The following MPP2 variants were observed in gnomAD, a reference collection of about 807,000 sequenced individuals.
The protein encoded by MPP2 is MAGUK p55 scaffold protein 2.
Under a neutral mutation model 58.5 loss-of-function variants are expected in MPP2, and 42 were observed. The ratio of observed to expected loss-of-function variants is 0.72; its 90% CI spans 0.56 to 0.93. The LOEUF (loss-of-function observed/expected upper bound fraction) is 0.93. Ranked by LOEUF, MPP2 falls within the 40% of genes least tolerant of loss-of-function variation. The pLI, the probability that MPP2 is intolerant of heterozygous loss-of-function variation, is 0.00. For missense variants in MPP2, 632 were observed against 760.4 expected, an observed-to-expected ratio of 0.83 and a Z score of 1.99; for synonymous variants, 300 against 307.8, an observed-to-expected ratio of 0.97 and a Z score of 0.26.
At chr17:43,903,147 G>A (rs555192442) in intron 2 of MPP2, among the ~76,000 whole-genome samples, 14 of 152,000 alleles carry the variant, frequency 9.2e-5, no homozygotes, top group African/African-American at 3.1e-4. Context: ...ATGATAGCAG[G>A]TGCCTGTAAT....
chr17:43,891,561 C>A (rs2047608165), intron 3 of MPP2, among the ~76,000 whole-genome samples: 1 of 151,638 alleles, frequency 6.6e-6, no homozygotes, highest in Non-Finnish European at 1.5e-5. Flanking sequence ...CTAGCCCCAC[C>A]ACGACTCTGA....
At chr17:43,906,703 C>A (rs987309683) in intron 1 of MPP2, among the ~76,000 whole-genome samples, 29 of 152,128 alleles carry the variant, frequency 1.9e-4, no homozygotes, top group African/African-American at 2.4e-5. Flanking sequence ...CCTGCCCCAA[C>A]GGACCCAGCC....
upstream of MPP2, chr17:43,907,876 C>T: frequency 1.2e-5 from 12 of 985,442 alleles, no homozygotes; most frequent in Non-Finnish European, 1.4e-5. Context: ...TTGGCTTAGA[C>T]CGGCGTTCTA....
chr17:43,884,070 A>C (rs1205301788), intron 3 of MPP2: 1 of 702,146 alleles, frequency 1.4e-6, no homozygotes, highest in Non-Finnish European at 2.6e-6. Context: ...TGCAGACAAC[A>C]CAAGCCACTT....
At chr17:43,902,948 G>A (rs192876026) in intron 2 of MPP2, among the ~76,000 whole-genome samples, 568 of 152,268 alleles carry the variant, frequency 3.7e-3, no homozygotes, top group Non-Finnish European at 5.9e-3. Flanking sequence ...TCTACGATGA[G>A]GGCTCACTGC....
chr17:43,898,386 G>C lies in MPP2; in HGVS notation c.32-6C>G. The C allele has an allele frequency of 6.2e-7, 1 of 1,606,860 alleles. No individual in the cohort carries two copies. Among genetic ancestry groups the C allele is most frequent in the Non-Finnish European group, 8.5e-7 (1 of 1,173,502 alleles). The stretch of plus-strand genomic sequence containing the variant: ...GTCCAGGACTTGCTGCATGGCTGGG[G>C]GAAGGTACGGGCAGTGAGATACACA... On this transcript the variant is annotated splice_region_variant and splice_polypyrimidine_tract_variant and intron_variant, in intron 2 of 12. Transcript: ENST00000269095.
chr17:43,900,300 TA>T (rs1861384529), intron 2 of MPP2, among the ~76,000 whole-genome samples: 1 of 152,112 alleles, frequency 6.6e-6, no homozygotes, highest in Non-Finnish European at 1.5e-5. Context: ...CTCCGTTATC[TA>T]GGGGAGGACT....
chr17:43,884,290 G>A, intron 3 of MPP2: 3 of 581,508 alleles, frequency 5.2e-6, no homozygotes, highest in Non-Finnish European at 9.1e-6. Context: ...ATCATATGTT[G>A]TAGTTGGTTG....
At chr17:43,882,788 A>G in intron 5 of MPP2, 115 bp downstream of exon 5, 1 of 1,481,218 alleles carries the variant, frequency 6.8e-7, no homozygotes, top group Non-Finnish European at 9.3e-7. Context: ...TTCCCTGCAC[A>G]AAGCTGGCCC....
chr17:43,907,786 C>T (rs2048351755), upstream of MPP2: 1 of 985,340 alleles, frequency 1.0e-6, no homozygotes, highest in African/African-American at 1.7e-5. Flanking sequence ...CGCTGGTGCC[C>T]CTCGGCTCCC....
chr17:43,879,686 G>A lies in MPP2; in HGVS notation c.1353+96C>T. ...AGTTGAGGGCAAAGGGGGTACATGG[G>A]CGTGTTCAGGTGACAGGTGTCTGGA... On this transcript the variant is annotated intron_variant, in intron 11 of 12. Coordinates refer to ENST00000269095, the MANE Select transcript of MPP2 (RefSeq NM_005374.5). This position sits in a 1 kb window ranked among gnomAD's most constrained non-coding sequence, Gnocchi z 4.1. 2 of 1,378,370 alleles carry A rather than the reference G, an allele frequency of 1.5e-6. No homozygotes were observed. Among genetic ancestry groups the A allele is most frequent in the South Asian group, 2.5e-5 (2 of 79,402 alleles). 85.4% of individuals were successfully genotyped at this position (1,378,370 alleles called of 1,614,324 possible).
At position 43,879,905 on chromosome 17, in the gene MPP2, G is replaced by A. The variant is rs144319921; in HGVS notation, c.1230C>T (p.Asp410=). ...GCTCCAGGTAGCGCCCAGCACGGAC[G>A]TCAGCCTCCATCTCCCCACGGGACA... The part of the protein sequence containing the change: ...SFVSRGEMEA[D]VRAGRYLEHG... Residue 410 remains aspartate, a synonymous_variant, in exon 11 of 13, where the codon GAC becomes GAT. Transcript: ENST00000269095. This position sits in a 1 kb window ranked among gnomAD's most constrained non-coding sequence, Gnocchi z 4.1. The A allele has an allele frequency of 7.4e-5, 119 of 1,614,032 alleles. No homozygotes were observed. The highest frequency in any genetic ancestry group is 5.9e-4 in the African/African-American group (44 of 74,986).
Position 43,880,892 on chromosome 17 carries a change from G to T in MPP2, c.989-40C>A. On this transcript the variant is annotated intron_variant, in intron 9 of 12. Transcript: ENST00000269095. This position sits in a 1 kb window ranked among gnomAD's most constrained non-coding sequence, Gnocchi z 5.2. ...ATGGCGCTGCTCACCAGGCTGCACG[G>T]TGAGGGAGGGGCGGAGCTCTCAGGG... 1 of 1,573,818 alleles carries T rather than the reference G, an allele frequency of 6.4e-7. No homozygotes were observed.
Position 43,881,481 on chromosome 17 carries a change from G to A in MPP2, c.790C>T (p.Gln264Ter). ...ACCTGCCACCAGTTGGCATCATCCT[G>A]GTTTACGATCTGGAGCAAGTCCCCG... is the stretch of plus-strand genomic sequence containing the variant. ...NAGDLLQIVN[Q>*]DDANWWQACH... Residue 264 changes from glutamine (Q) to a stop codon, truncating the protein, a stop_gained, in exon 7 of 13, where the codon CAG becomes TAG. Coordinates refer to ENST00000269095, the MANE Select transcript of MPP2 (RefSeq NM_005374.5). LOFTEE classifies it high-confidence loss of function. 1 of 1,614,182 alleles carries A rather than the reference G, an allele frequency of 6.2e-7. No homozygotes were observed.
At chr17:43,887,648 T>C (rs1253170144) in intron 3 of MPP2, among the ~76,000 whole-genome samples, 1 of 151,932 alleles carries the variant, frequency 6.6e-6, no homozygotes, top group Non-Finnish European at 1.5e-5. Context: ...ATACCATTTA[T>C]TAAAAATTCA....
chr17:43,909,607 G>A, upstream of MPP2: 1 of 1,480,784 alleles, frequency 6.8e-7, no homozygotes, highest in Non-Finnish European at 8.9e-7. Flanking sequence ...TGGGATCTCA[G>A]ATTCTGGCCC....
In MPP2 at chr17:43,877,276, C is replaced by G. The variant is rs911032378; in HGVS notation, c.*531G>C. On this transcript the variant is annotated 3_prime_UTR_variant, in exon 13 of 13. Coordinates refer to ENST00000269095, the MANE Select transcript of MPP2 (RefSeq NM_005374.5). ...CTCCAGCCTTCAAGATGGCACCAGG[C>G]TGGCACCACCACCCGGGCCTGCCTG... is the stretch of plus-strand genomic sequence containing the variant. The G allele has an allele frequency of 6.5e-6, 1 of 153,282 alleles. No homozygotes were observed. Among genetic ancestry groups the G allele is most frequent in the African/African-American group, 2.4e-5 (1 of 41,468 alleles). 9.5% of individuals were successfully genotyped at this position (153,282 alleles called of 1,614,324 possible).
At chr17:43,886,763 A>T (rs1329661832) in intron 3 of MPP2, among the ~76,000 whole-genome samples, 1 of 152,192 alleles carries the variant, frequency 6.6e-6, no homozygotes, top group Non-Finnish European at 1.5e-5. Flanking sequence ...TGCCAATCAC[A>T]TGGAGGAGAA....
At chr17:43,889,594 C>G (rs764338730) in intron 3 of MPP2, among the ~76,000 whole-genome samples, 2 of 151,766 alleles carry the variant, frequency 1.3e-5, no homozygotes, top group Non-Finnish European at 2.9e-5. Flanking sequence ...CTCCAGACCT[C>G]AGGTGATCCG....
Sources: allele counts gnomAD v4.1 joint callset (sites outside exome capture counted in the v4.1 genomes callset), GRCh38; gene constraint gnomAD v4.1.1; non-coding constraint Gnocchi (gnomAD v3.1); transcripts MANE v1.5; gene names NCBI Gene and HGNC (gene_info 2026-07-23, HGNC 2026-07-21).